CLOCK: variants seen among roughly 807,000 people sequenced by gnomAD.
The protein encoded by CLOCK is clock circadian regulator, also known as circadian locomoter output cycles protein kaput.
A neutral mutation model predicts 118.4 loss-of-function variants in CLOCK; 43 were observed. The observed-to-expected ratio is 0.36, with a 90% CI of 0.28 to 0.47. The LOEUF is 0.47. CLOCK is among the 20% of genes least tolerant of loss of function. The pLI, the probability that CLOCK is intolerant of heterozygous loss-of-function variation, is 1.00. For missense variants in CLOCK, 846 were observed against 999.9 expected, an observed-to-expected ratio of 0.85 and a Z score of 2.08; for synonymous variants, 326 against 339.2, an observed-to-expected ratio of 0.96 and a Z score of 0.43.
At chr4:55,483,465 T>A (rs1167114506) in intron 3 of CLOCK, among the ~76,000 whole-genome samples, 1 of 152,154 alleles carries the variant, frequency 6.6e-6, no homozygotes, top group Non-Finnish European at 1.5e-5. Flanking sequence ...ATGGGCAGCA[T>A]CACCATCCTC....
chr4:55,488,593 TCTCA>T (rs957773545), intron 3 of CLOCK, among the ~76,000 whole-genome samples: 4 of 152,194 alleles, frequency 2.6e-5, no homozygotes, highest in East Asian at 1.9e-4. Flanking sequence ...TCTTTCTTGT[TCTCA>T]CTATCTATAA....
In CLOCK at chr4:55,459,129, GA is replaced by G; in HGVS notation, c.673+18del. 6.7e-7 allele frequency: 1 copy of G among 1,494,398 alleles called. No homozygotes were observed. Among genetic ancestry groups the G allele is most frequent in the Non-Finnish European group, 9.3e-7 (1 of 1,071,052 alleles). The allele number at this position is 1,494,398 out of a possible 1,614,324, so 92.6% of individuals were successfully genotyped here. On this transcript the variant is annotated intron_variant, in intron 10 of 22. Coordinates refer to ENST00000513440, the MANE Select transcript of CLOCK (RefSeq NM_004898.4). Reference sequence around the variant, plus strand: ...AATAACAAGTTAAAACACATTGTGAGAGAAGCATTTTAACTCACCACTGTTT... The same window carrying G: ...AATAACAAGTTAAAACACATTGTGAGGAAGCATTTTAACTCACCACTGTTT...
At chr4:55,460,388 TC>T (rs1490031603) in intron 9 of CLOCK, among the ~76,000 whole-genome samples, 7 of 152,212 alleles carry the variant, frequency 4.6e-5, no homozygotes, top group Non-Finnish European at 7.3e-5. Context: ...AACTTGATTG[TC>T]CCATTAGTAA....
intron 1 of CLOCK, among the ~76,000 whole-genome samples, chr4:55,524,979 A>G (rs1286211826): frequency 6.6e-6 from 1 of 151,950 alleles, no homozygotes; most frequent in East Asian, 1.9e-4. Context: ...ATATTCTATC[A>G]CTCTCCTAGG....
At chr4:55,507,984 T>C (rs141338923) in intron 2 of CLOCK, among the ~76,000 whole-genome samples, 139 of 152,170 alleles carry the variant, frequency 9.1e-4, no homozygotes, top group African/African-American at 3.2e-3. Flanking sequence ...AGCAATTAGA[T>C]TCAGAGTGGT....
At chr4:55,536,022 T>C (rs572862248) in intron 1 of CLOCK, among the ~76,000 whole-genome samples, 2 of 152,084 alleles carry the variant, frequency 1.3e-5, no homozygotes, top group Non-Finnish European at 2.9e-5. Context: ...ATAACAACAC[T>C]AGGAGACTAA....
chr4:55,498,055 GATT>G (rs1189698399), intron 2 of CLOCK, among the ~76,000 whole-genome samples: 2 of 150,594 alleles, frequency 1.3e-5, no homozygotes, highest in Non-Finnish European at 3.0e-5. Flanking sequence ...TAGGAAATCG[GATT>G]ATTAAGTAGT....
chr4:55,487,722 C>T (rs1727390422), intron 3 of CLOCK, among the ~76,000 whole-genome samples: 1 of 152,142 alleles, frequency 6.6e-6, no homozygotes. Context: ...TTTAGTTCCA[C>T]CATCACTCCT....
intron 1 of CLOCK, among the ~76,000 whole-genome samples, chr4:55,537,811 A>G (rs1481667567): frequency 6.6e-6 from 1 of 152,076 alleles, no homozygotes; most frequent in African/African-American, 2.4e-5. Flanking sequence ...AATAAATTAT[A>G]AACAATTAAA....
At chr4:55,515,665 G>A (rs1296320370) in intron 1 of CLOCK, among the ~76,000 whole-genome samples, 1 of 152,134 alleles carries the variant, frequency 6.6e-6, no homozygotes, top group Non-Finnish European at 1.5e-5. Flanking sequence ...TTACAGGCGC[G>A]AGCCACCACG....
intron 1 of CLOCK, among the ~76,000 whole-genome samples, chr4:55,517,132 C>T (rs1439652853): frequency 6.6e-6 from 1 of 152,106 alleles, no homozygotes; most frequent in Non-Finnish European, 1.5e-5. Flanking sequence ...TTCCTTAAGC[C>T]TGTTAATGTG....
chr4:55,455,840 A>T (rs1724881559), intron 13 of CLOCK, 57 bp downstream of exon 13: 1 of 1,136,466 alleles, frequency 8.8e-7, no homozygotes, highest in Admixed American at 1.7e-5. Flanking sequence ...TCATTTCAGG[A>T]CAGGACTTCT....
intron 16 of CLOCK, 72 bp from the exon 17 acceptor site, chr4:55,449,568 T>C: frequency 7.9e-7 from 1 of 1,273,036 alleles, no homozygotes; most frequent in Non-Finnish European, 1.1e-6. Context: ...TCTCAAAATG[T>C]ATTTCAGTTA....
At chr4:55,507,549 G>A (rs955437020) in intron 2 of CLOCK, among the ~76,000 whole-genome samples, 4 of 151,978 alleles carry the variant, frequency 2.6e-5, no homozygotes, top group Admixed American at 6.5e-5. Flanking sequence ...GGAGGTGGAG[G>A]TTGAAGCCAA....
intron 3 of CLOCK, among the ~76,000 whole-genome samples, chr4:55,484,709 T>C (rs1050207866): frequency 6.6e-6 from 1 of 152,024 alleles, no homozygotes; most frequent in African/African-American, 2.4e-5. Context: ...ACCCAGTAAG[T>C]ATGGCTTAAT....
rs114563855 is a variant in CLOCK, at chr4:55,494,717, G to T, written c.-135-5252C>A. 4.9e-3 allele frequency among the ~76,000 whole-genome samples: 750 copies of T among 152,186 alleles called. 4 individuals are homozygous for T. The highest frequency in any genetic ancestry group is 0.017 in the African/African-American group (712 of 41,510). ...CTGTTCCCCAAAAACCTACTGAAAT[G>T]ATAATTCTTTTAAAAAGATGCAAAG... On this transcript the variant is annotated intron_variant, in intron 2 of 22. Transcript: ENST00000513440.
intron 8 of CLOCK, among the ~76,000 whole-genome samples, chr4:55,466,832 G>T (rs1725767329): frequency 6.6e-6 from 1 of 152,090 alleles, no homozygotes; most frequent in African/African-American, 2.4e-5. Flanking sequence ...CGTAAGAAAA[G>T]AAAATGGTAA....
At chr4:55,465,138 A>G (rs575610452) in intron 8 of CLOCK, among the ~76,000 whole-genome samples, 2 of 152,354 alleles carry the variant, frequency 1.3e-5, no homozygotes, top group East Asian at 3.9e-4. Flanking sequence ...AGGAAAAACA[A>G]AAAACAGATG....
chr4:55,493,831 C>A (rs575400342), intron 2 of CLOCK, among the ~76,000 whole-genome samples: 2 of 152,222 alleles, frequency 1.3e-5, no homozygotes, highest in South Asian at 4.2e-4. Flanking sequence ...ATGAACCAGA[C>A]CTCTTAAAAC....
Sources: gnomAD v4.1 joint callset for allele counts (sites outside exome capture counted in the v4.1 genomes callset) on GRCh38, gnomAD v4.1.1 for gene constraint, MANE v1.5 for transcripts, NCBI Gene and HGNC (gene_info 2026-07-23, HGNC 2026-07-21) for gene names.